Variants in GARIN2 observed in about 807,000 individuals in gnomAD.
The protein encoded by GARIN2 is golgi associated RAB2 interactor family member 2.
the GARIN2 span, among the ~76,000 whole-genome samples, chr14:67,222,655 C>T: frequency 1.3e-5 from 2 of 152,088 alleles, no homozygotes; most frequent in Non-Finnish European, 2.9e-5. Context: ...GAATCTTTAG[C>T]CTGTAACGAA....
chr14:67,198,290 TC>T, the GARIN2 span: 1 of 1,613,790 alleles, frequency 6.2e-7, no homozygotes, highest in Non-Finnish European at 8.5e-7. Flanking sequence ...CTTTTGTATC[TC>T]CTCCCATGTT....
chr14:67,219,431 A>G, the GARIN2 span, among the ~76,000 whole-genome samples: 1 of 152,148 alleles, frequency 6.6e-6, no homozygotes, highest in East Asian at 1.9e-4. Context: ...TTGACACTCC[A>G]GTCACATCTT....
chr14:67,206,944 G>C, the GARIN2 span, among the ~76,000 whole-genome samples: 1 of 151,960 alleles, frequency 6.6e-6, no homozygotes, highest in African/African-American at 2.4e-5. Flanking sequence ...TGCCCAAGCT[G>C]GTCTCAAACT....
chr14:67,192,966 C>T, the GARIN2 span, among the ~76,000 whole-genome samples: 2 of 143,320 alleles, frequency 1.4e-5, no homozygotes, highest in African/African-American at 2.5e-5. Flanking sequence ...ATCTATATAT[C>T]GATATCTAGA....
chr14:67,211,395 T>C, the GARIN2 span, among the ~76,000 whole-genome samples: 2 of 152,128 alleles, frequency 1.3e-5, no homozygotes, highest in African/African-American at 4.8e-5. Flanking sequence ...AAGTAATCTT[T>C]CCACTATACT....
chr14:67,205,845 A>G, the GARIN2 span, among the ~76,000 whole-genome samples: 1 of 152,182 alleles, frequency 6.6e-6, no homozygotes, highest in African/African-American at 2.4e-5. Context: ...TTATAGGTAA[A>G]GAGATCTGTT....
the GARIN2 span, among the ~76,000 whole-genome samples, chr14:67,194,016 T>A: frequency 9.3e-5 from 14 of 150,434 alleles, no homozygotes; most frequent in African/African-American, 2.9e-4. Context: ...AAAATCTATT[T>A]GTAAAACTGG....
chr14:67,190,607 A>G, the GARIN2 span, among the ~76,000 whole-genome samples: 2 of 152,158 alleles, frequency 1.3e-5, no homozygotes, highest in Non-Finnish European at 2.9e-5. Context: ...AATTGAGTAA[A>G]TTTTGGGGGA....
At chr14:67,221,912 A>G in the GARIN2 span, 2 of 1,415,730 alleles carry the variant, frequency 1.4e-6, no homozygotes, top group Non-Finnish European at 1.9e-6. Context: ...GAATTCAGCT[A>G]GACTTTTTGA....
chr14:67,198,930 C>T, the GARIN2 span: 1 of 699,914 alleles, frequency 1.4e-6, no homozygotes, highest in Non-Finnish European at 2.6e-6. Context: ...AAGTCTAACA[C>T]TAAACACTGA....
chr14:67,224,625 A>T, the GARIN2 span: 57 of 270,632 alleles, frequency 2.1e-4, no homozygotes, highest in South Asian at 3.3e-4. Flanking sequence ...TAACTTTTAA[A>T]TTTTTTTTTT....
the GARIN2 span, among the ~76,000 whole-genome samples, chr14:67,202,764 G>C: frequency 5.4e-4 from 82 of 152,272 alleles, no homozygotes; most frequent in African/African-American, 1.8e-3. Flanking sequence ...GAACATCACT[G>C]CCTGTCTCCC....
the GARIN2 span, chr14:67,199,743 TG>T: frequency 6.4e-7 from 1 of 1,565,210 alleles, no homozygotes; most frequent in Non-Finnish European, 8.7e-7. Context: ...GTATCATCAT[TG>T]GGGTCTGGGC....
the GARIN2 span, among the ~76,000 whole-genome samples, chr14:67,192,327 C>A: frequency 6.6e-6 from 1 of 152,066 alleles, no homozygotes; most frequent in African/African-American, 2.4e-5. Context: ...CCCATAACAA[C>A]CCTGCTTTAA....
the GARIN2 span, among the ~76,000 whole-genome samples, chr14:67,212,407 G>T: frequency 6.6e-6 from 1 of 151,412 alleles, no homozygotes; most frequent in Non-Finnish European, 1.5e-5. Context: ...GGGCAACATT[G>T]CAAAACCCTG....
At chr14:67,222,464 G>C in the GARIN2 span, among the ~76,000 whole-genome samples, 1 of 152,012 alleles carries the variant, frequency 6.6e-6, no homozygotes, top group Admixed American at 6.6e-5. Context: ...ACTAAATTTT[G>C]TATTTTTCAC....
At chr14:67,214,009 GTTGT>G in the GARIN2 span, among the ~76,000 whole-genome samples, 2 of 152,132 alleles carry the variant, frequency 1.3e-5, no homozygotes, top group Middle Eastern at 3.2e-3. Flanking sequence ...TTTTGATGGG[GTTGT>G]TTGTTTTTTT....
At chr14:67,225,980 CAT>C in the GARIN2 span, among the ~76,000 whole-genome samples, 273 of 139,838 alleles carry the variant, frequency 2.0e-3, 7 homozygotes, top group Middle Eastern at 3.7e-3. Flanking sequence ...CGCGCGTGCG[CAT>C]GCGCGTGCAT....
the GARIN2 span, among the ~76,000 whole-genome samples, chr14:67,190,518 C>T: frequency 2.6e-5 from 4 of 152,132 alleles, no homozygotes; most frequent in African/African-American, 7.2e-5. Flanking sequence ...CCGTTGTGCC[C>T]GGCCTGTTTT....
Sources: gnomAD v4.1 joint callset for allele counts (sites outside exome capture counted in the v4.1 genomes callset) on GRCh38, gnomAD v4.1.1 for gene constraint, MANE v1.5 for transcripts, NCBI Gene and HGNC (gene_info 2026-07-23, HGNC 2026-07-21) for gene names.